Variants in MAP7 observed in about 807,000 individuals in gnomAD.
MAP7 encodes the protein ensconsin.
A neutral mutation model predicts 94.8 loss-of-function variants in MAP7; 52 were observed. That is an observed-to-expected ratio of 0.55 (90% CI 0.44 to 0.69). The LOEUF is 0.69. MAP7 is among the 30% of genes least tolerant of loss of function. The pLI is 0.00. For synonymous variants in MAP7, 350 were observed against 357.0 expected, an observed-to-expected ratio of 0.98 and a Z score of 0.22; for missense variants, 940 against 964.6, an observed-to-expected ratio of 0.97 and a Z score of 0.34.
At chr6:136,354,324 C>G (rs1790172295) in intron 16 of MAP7, among the ~76,000 whole-genome samples, 1 of 137,986 alleles carries the variant, frequency 7.2e-6, no homozygotes, top group Admixed American at 7.4e-5. Flanking sequence ...CTTTAAATTC[C>G]TATAAATATA....
At position 136,534,554 on chromosome 6, in the gene MAP7, G is replaced by A. The variant is rs146552157; in HGVS notation, c.67+15788C>T. 7.4e-3 allele frequency among the ~76,000 whole-genome samples: 1,122 copies of A among 152,258 alleles called. 18 individuals are homozygous for A. The highest frequency in any genetic ancestry group is 0.025 in the African/African-American group (1,044 of 41,534). ...TCCCACATTCAAGTCAACATGCTGC[G>A]AACGAAAGCATGCCATTCAAAAGTC... is the stretch of plus-strand genomic sequence containing the variant. On this transcript the variant is annotated intron_variant, in intron 1 of 17. Coordinates refer to ENST00000354570, the MANE Select transcript of MAP7 (RefSeq NM_003980.6).
At chr6:136,523,096 A>C (rs1270361300) in intron 1 of MAP7, among the ~76,000 whole-genome samples, 1 of 152,228 alleles carries the variant, frequency 6.6e-6, no homozygotes, top group Non-Finnish European at 1.5e-5. Context: ...AAGGTGCAAC[A>C]AATGATACAG....
intron 5 of MAP7, among the ~76,000 whole-genome samples, 170 bp downstream of exon 5, chr6:136,388,223 T>A (rs2128657170): frequency 6.6e-6 from 1 of 152,272 alleles, no homozygotes; most frequent in South Asian, 2.1e-4. Flanking sequence ...AGGCCCTTAC[T>A]TCTTATCTCC....
At chr6:136,390,709 T>C (rs898009043) in intron 3 of MAP7, among the ~76,000 whole-genome samples, 1 of 152,144 alleles carries the variant, frequency 6.6e-6, no homozygotes, top group African/African-American at 2.4e-5. Flanking sequence ...TAGAAATATT[T>C]TGGTTTCCTC....
chr6:136,388,666 T>G, intron 4 of MAP7, 156 bp from the exon 5 acceptor site: 1 of 600,670 alleles, frequency 1.7e-6, no homozygotes, highest in South Asian at 2.2e-5. Flanking sequence ...GAGACTAGTG[T>G]CAATCTGGGA....
intron 7 of MAP7, among the ~76,000 whole-genome samples, chr6:136,373,386 T>C (rs1465810186): frequency 6.6e-6 from 1 of 152,232 alleles, no homozygotes; most frequent in Non-Finnish European, 1.5e-5. Flanking sequence ...ATTTAAAATG[T>C]TGAATAGAAC....
intron 10 of MAP7, among the ~76,000 whole-genome samples, chr6:136,363,356 C>A (rs911756239): frequency 3.3e-5 from 5 of 152,258 alleles, no homozygotes; most frequent in Non-Finnish European, 7.3e-5. Flanking sequence ...AGAAGCCCCA[C>A]ACTGATGCTC....
At chr6:136,548,438 G>A (rs772411878) in intron 1 of MAP7, among the ~76,000 whole-genome samples, 10 of 151,998 alleles carry the variant, frequency 6.6e-5, no homozygotes, top group African/African-American at 9.7e-5. Context: ...AAAGAGATGC[G>A]GGGCCAGAAT....
chr6:136,419,906 C>T, intron 2 of MAP7: 2 of 556,786 alleles, frequency 3.6e-6, no homozygotes, highest in Non-Finnish European at 6.8e-6. Flanking sequence ...ACTATCTTCT[C>T]TTCTATCTCT....
Position 136,359,977 on chromosome 6 carries a change from A to G in MAP7, c.1854+4T>C. On this transcript the variant is annotated splice_donor_region_variant and intron_variant, in intron 14 of 17. Coordinates refer to ENST00000354570, the MANE Select transcript of MAP7 (RefSeq NM_003980.6). Reference sequence around the variant, plus strand: ...AAGTAGTTAGAAAACGGCCATGTCAATACCTTATCTGTAGCTTCTGTTCTC... The same window carrying G: ...AAGTAGTTAGAAAACGGCCATGTCAGTACCTTATCTGTAGCTTCTGTTCTC... 6.2e-7 allele frequency: 1 copy of G among 1,613,414 alleles called. No individual in the cohort carries two copies.
At chr6:136,431,900 G>A (rs778795124) in intron 1 of MAP7, among the ~76,000 whole-genome samples, 21 of 152,200 alleles carry the variant, frequency 1.4e-4, no homozygotes, top group Non-Finnish European at 2.6e-4. Context: ...GTGGTTAGGT[G>A]TGGTTTGTGG....
intron 1 of MAP7, among the ~76,000 whole-genome samples, chr6:136,424,568 T>A (rs985778184): frequency 2.0e-5 from 3 of 152,196 alleles, no homozygotes; most frequent in Non-Finnish European, 4.4e-5. Context: ...GGAGCCTTCA[T>A]CTAGTGAAAA....
chr6:136,473,997 T>A (rs1809964107), intron 1 of MAP7, among the ~76,000 whole-genome samples: 1 of 148,662 alleles, frequency 6.7e-6, no homozygotes, highest in Non-Finnish European at 1.5e-5. Flanking sequence ...GAGATGTTTG[T>A]GGGGGTGGTC....
At chr6:136,359,921 A>G (rs377176924) in intron 14 of MAP7, 44 bp from the exon 15 acceptor site, 12 of 1,609,634 alleles carry the variant, frequency 7.5e-6, no homozygotes, top group Non-Finnish European at 1.0e-5. Flanking sequence ...TTAGAGTTAC[A>G]AGTGAAAATG....
chr6:136,402,669 G>A (rs75708019), intron 3 of MAP7, among the ~76,000 whole-genome samples: 8,639 of 152,206 alleles, frequency 0.057, 515 homozygotes, highest in East Asian at 0.23. Flanking sequence ...CACTTTGGGA[G>A]GCCGAGGCCG....
intron 16 of MAP7, among the ~76,000 whole-genome samples, chr6:136,355,465 A>T (rs1009269697): frequency 7.2e-5 from 11 of 152,182 alleles, no homozygotes; most frequent in Non-Finnish European, 5.9e-5. Flanking sequence ...TAGTAGGCAA[A>T]AAATAAATAA....
At chr6:136,370,532 TAAAC>T (rs1774137165) in intron 8 of MAP7, among the ~76,000 whole-genome samples, 1 of 152,198 alleles carries the variant, frequency 6.6e-6, no homozygotes, top group African/African-American at 2.4e-5. Flanking sequence ...CATGAACTGA[TAAAC>T]AAAATGTGGT....
At chr6:136,511,710 A>G (rs191118258) in intron 1 of MAP7, among the ~76,000 whole-genome samples, 73 of 152,220 alleles carry the variant, frequency 4.8e-4, no homozygotes, top group Non-Finnish European at 7.5e-4. Context: ...CTATTAGTCA[A>G]GAGCTCAGTG....
At chr6:136,354,334 A>G (rs1298168711) in intron 16 of MAP7, among the ~76,000 whole-genome samples, 1 of 144,804 alleles carries the variant, frequency 6.9e-6, no homozygotes, top group Non-Finnish European at 1.5e-5. Flanking sequence ...CTATAAATAT[A>G]TATTTCCTTT....
Sources: gnomAD v4.1 joint callset for allele counts (sites outside exome capture counted in the v4.1 genomes callset) on GRCh38, gnomAD v4.1.1 for gene constraint, MANE v1.5 for transcripts, NCBI Gene and HGNC (gene_info 2026-07-23, HGNC 2026-07-21) for gene names.